The following LUZP1 variants were observed in gnomAD, a reference collection of about 807,000 sequenced individuals.
LUZP1 encodes leucine zipper protein 1.
In LUZP1, 25 loss-of-function variants were observed where a neutral mutation model predicts 71.3. The observed-to-expected ratio is 0.35, with a 90% CI of 0.26 to 0.49. The LOEUF is 0.49. LUZP1 is among the 20% of genes least tolerant of loss of function. LUZP1 has a pLI of 0.99. For synonymous variants in LUZP1, 481 were observed against 506.4 expected, an observed-to-expected ratio of 0.95 and a Z score of 0.67; for missense variants, 1,142 against 1,300.8, an observed-to-expected ratio of 0.88 and a Z score of 1.88.
intron 1 of LUZP1, among the ~76,000 whole-genome samples, chr1:23,174,572 C>T (rs1488340056): frequency 1.3e-5 from 2 of 152,202 alleles, no homozygotes; most frequent in Non-Finnish European, 2.9e-5. Flanking sequence ...AATATGTCAG[C>T]ACCTTGTGTC....
intron 2 of LUZP1, among the ~76,000 whole-genome samples, chr1:23,134,137 T>C (rs1215324502): frequency 1.3e-5 from 2 of 152,032 alleles, no homozygotes; most frequent in Non-Finnish European, 2.9e-5. Context: ...AACCTGAAAA[T>C]AGTATCTAGC....
Position 23,092,799 on chromosome 1 carries a change from C to T in LUZP1, c.1463G>A (p.Trp488Ter). 1 of 1,613,790 alleles carries T rather than the reference C, an allele frequency of 6.2e-7. No homozygotes were observed. Among genetic ancestry groups the T allele is most frequent in the Non-Finnish European group, 8.5e-7 (1 of 1,179,852 alleles). ...GGTGCCTGGCTTGGAAGTCCCCTTC[C>T]ACGCTTTACTGTGCTCCTGAGCAGC... Residue 488 changes from tryptophan to a stop codon, truncating the protein, a stop_gained, in exon 4 of 5, where the codon TGG becomes TAG. Transcript: ENST00000302291. LOFTEE classifies it high-confidence loss of function.
intron 2 of LUZP1, among the ~76,000 whole-genome samples, chr1:23,163,269 G>A (rs1160641041): frequency 6.6e-6 from 1 of 150,624 alleles, no homozygotes; most frequent in Non-Finnish European, 1.5e-5. Context: ...GCATGTTGGG[G>A]CCAGGTGCCA....
At position 23,093,751 on chromosome 1, in the gene LUZP1, G is replaced by A. The variant is rs748493107; in HGVS notation, c.511C>T (p.Arg171Cys). ...AAACTCTGCTCAGTTTTATCCAGGC[G>A]GTCCTCAGAAGATTCTAGTTCTTTC... Residue 171 changes from arginine (R) to cysteine (C), a missense_variant, in exon 4 of 5, where the codon CGC (arginine) becomes TGC (cysteine). Physicochemically the swap from Arg to Cys is radical, Grantham distance 180. Coordinates refer to ENST00000302291, the Ensembl canonical transcript of LUZP1. This position sits in a 1 kb window ranked among gnomAD's most constrained non-coding sequence, Gnocchi z 4.2. 55 of 1,613,418 alleles carry A rather than the reference G, an allele frequency of 3.4e-5. No individual in the cohort carries two copies. The highest frequency in any genetic ancestry group is 5.3e-5 in the African/African-American group (4 of 74,820).
chr1:23,120,008 C>T (rs1424919336), intron 2 of LUZP1, among the ~76,000 whole-genome samples: 6 of 151,462 alleles, frequency 4.0e-5, no homozygotes, highest in Non-Finnish European at 8.8e-5. Flanking sequence ...GTGGAGCAAT[C>T]GTGGCTTCCT....
At chr1:23,089,112 C>G (rs983261571) in intron 4 of LUZP1, 59 bp from the exon 4 acceptor site, 2 of 1,533,236 alleles carry the variant, frequency 1.3e-6, no homozygotes, top group African/African-American at 2.7e-5. Context: ...GACCGAGACA[C>G]CCTCACCTGC....
At chr1:23,091,584 G>A (rs1028768773) in exon 4 of LUZP1, 5 of 1,614,162 alleles carry the variant, frequency 3.1e-6, no homozygotes, top group Admixed American at 1.7e-5. Context: ...CGCTGGAGGT[G>A]CATGGCTATT....
At chr1:23,161,145 C>G (rs1034695584) in intron 2 of LUZP1, among the ~76,000 whole-genome samples, 3 of 152,216 alleles carry the variant, frequency 2.0e-5, no homozygotes, top group Non-Finnish European at 4.4e-5. Flanking sequence ...ATGTCAGTCA[C>G]TGTGTTAGGC....
At chr1:23,105,610 T>C (rs1024937821) in intron 3 of LUZP1, among the ~76,000 whole-genome samples, 2 of 152,230 alleles carry the variant, frequency 1.3e-5, no homozygotes, top group Non-Finnish European at 2.9e-5. Context: ...AAGTTTCAGC[T>C]TAAATTATTA....
exon 5 of LUZP1, chr1:23,088,885 C>T (rs1643808848): frequency 2.5e-6 from 4 of 1,612,754 alleles, no homozygotes; most frequent in Non-Finnish European, 3.4e-6. Context: ...ACAACAGACA[C>T]CCAGCGGGCT....
chr1:23,085,967 C>T (rs1248150289), exon 5 of LUZP1: 1 of 152,240 alleles, frequency 6.6e-6, no homozygotes, highest in Non-Finnish European at 1.5e-5. Context: ...CCTCCAACAA[C>T]CATACACCTG....
At chr1:23,104,612 C>G (rs539139721) in intron 3 of LUZP1, among the ~76,000 whole-genome samples, 2 of 152,318 alleles carry the variant, frequency 1.3e-5, no homozygotes, top group Non-Finnish European at 2.9e-5. Flanking sequence ...CTTAAAATAT[C>G]TGTCATCCTC....
chr1:23,154,515 G>C (rs556963039), intron 2 of LUZP1, among the ~76,000 whole-genome samples: 1 of 152,134 alleles, frequency 6.6e-6, no homozygotes, highest in East Asian at 1.9e-4. Context: ...TTCCAGCCTA[G>C]GGAACAGAGT....
chr1:23,093,589 T>A lies in LUZP1; in HGVS notation c.673A>T (p.Asn225Tyr). 1 of 1,613,810 alleles carries A rather than the reference T, an allele frequency of 6.2e-7. No individual in the cohort carries two copies. The highest frequency in any genetic ancestry group is 8.5e-7 in the Non-Finnish European group (1 of 1,179,958). Residue 225 changes from asparagine (N) to tyrosine (Y), a missense_variant, in exon 4 of 5, where the codon AAC becomes TAC. By Grantham distance (143) the Asn-to-Tyr change is moderately radical (BLOSUM62 -2). Transcript: ENST00000302291. The surrounding 1 kb of genome is among the most constrained non-coding windows in gnomAD (Gnocchi z 4.2). ...GAAGCATTCCTTGTATAATCTCGGT[T>A]CATTTTTTTGTTCTGCTCTAGTTTT... is the stretch of plus-strand genomic sequence containing the variant.
exon 5 of LUZP1, chr1:23,085,022 AT>A (rs1643741833): frequency 6.5e-6 from 1 of 152,684 alleles, no homozygotes; most frequent in Admixed American, 6.5e-5. Context: ...AACAGAGAGC[AT>A]TCGCGCCAGA....
chr1:23,163,821 T>C (rs1287177503), intron 2 of LUZP1: 1 of 152,216 alleles, frequency 6.6e-6, no homozygotes, highest in Non-Finnish European at 1.5e-5. Context: ...GCATCAATCA[T>C]ACCTGAGCTC....
chr1:23,113,310 A>AG (rs1461134836), intron 2 of LUZP1, among the ~76,000 whole-genome samples: 1 of 152,190 alleles, frequency 6.6e-6, no homozygotes, highest in Non-Finnish European at 1.5e-5. Context: ...TGAGAGGCTG[A>AG]GGCAGGAGGA....
At chr1:23,147,207 G>A (rs566510568) in intron 2 of LUZP1, among the ~76,000 whole-genome samples, 9 of 151,702 alleles carry the variant, frequency 5.9e-5, no homozygotes, top group African/African-American at 1.2e-4. Flanking sequence ...TTGGGAGGCC[G>A]AGACGGGTGG....
chr1:23,101,215 C>T (rs1177771166), intron 3 of LUZP1, among the ~76,000 whole-genome samples: 5 of 152,178 alleles, frequency 3.3e-5, no homozygotes, highest in African/African-American at 4.8e-5. Context: ...TACGTTACTC[C>T]ACGGAGGTTT....
Sources: gnomAD v4.1 joint callset for allele counts (sites outside exome capture counted in the v4.1 genomes callset) on GRCh38, gnomAD v4.1.1 for gene constraint, Gnocchi (gnomAD v3.1) non-coding constraint, MANE v1.5 for transcripts, NCBI Gene and HGNC (gene_info 2026-07-23, HGNC 2026-07-21) for gene names.